KANTR: variants seen among roughly 807,000 people sequenced by gnomAD.
KANTR encodes KDM5C adjacent transcript.
intron 2 of KANTR, among the ~76,000 whole-genome samples, chrX:53,106,132 C>T (rs1182214636): frequency 9.1e-6 from 1 of 109,525 alleles, no homozygotes; most frequent in African/African-American, 3.4e-5. Context: ...GCTGGGATTA[C>T]AGGCGTGAGC....
chrX:53,135,147 G>C (rs183510743), intron 2 of KANTR, among the ~76,000 whole-genome samples: 1 of 111,861 alleles, frequency 8.9e-6, no homozygotes, highest in East Asian at 2.8e-4. Context: ...GGAGAAAGCA[G>C]GGGGCTGAAC....
At chrX:53,140,779 TG>T (rs1556818372) in intron 2 of KANTR, among the ~76,000 whole-genome samples, 2 of 111,746 alleles carry the variant, frequency 1.8e-5, no homozygotes. Context: ...GTTCCAGGGG[TG>T]AGAGTTATCA....
chrX:53,145,524 A>G (rs1285427753), downstream of KANTR, among the ~76,000 whole-genome samples: 1 of 112,142 alleles, frequency 8.9e-6, no homozygotes, highest in Non-Finnish European at 1.9e-5. Flanking sequence ...GGTGGAGCCC[A>G]CTGCAGCTCA....
intron 2 of KANTR, among the ~76,000 whole-genome samples, chrX:53,139,654 G>GA (rs1166861213): frequency 1.8e-5 from 2 of 111,281 alleles, no homozygotes; most frequent in Non-Finnish European, 3.8e-5. Context: ...CCTGTCTCTA[G>GA]AAAAAATAAT....
intron 2 of KANTR, among the ~76,000 whole-genome samples, chrX:53,140,887 C>T (rs1556818376): frequency 8.9e-6 from 1 of 111,908 alleles, no homozygotes; most frequent in African/African-American, 3.3e-5. Flanking sequence ...GAAGGCCAGG[C>T]GTGGTGGCTC....
At chrX:53,094,782 T>G (rs1364854762) in intron 1 of KANTR, 3 of 112,142 alleles carry the variant, frequency 2.7e-5, no homozygotes, top group Non-Finnish European at 5.6e-5. Flanking sequence ...CCTGAGACAA[T>G]GCATGTGCAT....
chrX:53,140,432 C>G (rs958214971), intron 2 of KANTR, among the ~76,000 whole-genome samples: 1 of 102,855 alleles, frequency 9.7e-6, no homozygotes, highest in Non-Finnish European at 2.0e-5. Context: ...ACCCAGGAGG[C>G]AGAGGTTGCA....
intron 2 of KANTR, among the ~76,000 whole-genome samples, chrX:53,138,722 A>T (rs1267787508): frequency 1.8e-5 from 2 of 110,073 alleles, no homozygotes; most frequent in Non-Finnish European, 3.8e-5. Context: ...AAAAAAAAGA[A>T]ATATAAACAA....
chrX:53,142,757 G>A (rs1242430631), downstream of KANTR: 27 of 446,212 alleles, frequency 6.1e-5, no homozygotes, highest in South Asian at 3.2e-4. Flanking sequence ...AGGCATTTGC[G>A]GTAGACAATG....
rs782037645 is a variant in KANTR, at chrX:53,138,054, C to G, written n.204-3794C>G. On this transcript the variant is annotated intron_variant and non_coding_transcript_variant, in intron 2 of 2. Transcript: ENST00000366185. The stretch of plus-strand genomic sequence containing the variant: ...TTTCTGCCTTATTTCTTTCTTGTTT[C>G]TTTGAATTTATTTTTATTTATTTAT... 1.2e-4 allele frequency among the ~76,000 whole-genome samples: 13 copies of G among 109,585 alleles called. No individual in the cohort carries two copies. In the South Asian group the frequency reaches 5.1e-3, roughly 43 times the overall value.
At position 53,123,178 on chromosome X, in the gene KANTR, C is replaced by CTT. The variant is rs200574097; in HGVS notation, c.-804-278_-804-277dup. Among the ~76,000 whole-genome samples, 18 of 99,236 alleles carry CTT rather than the reference C, an allele frequency of 1.8e-4. No homozygotes were observed. The South Asian group carries it at 2.7e-3, about 15-fold the overall frequency. The allele number at this position is 99,236 out of a possible 115,157, so 86.2% of individuals were successfully genotyped here. The stretch of plus-strand genomic sequence containing the variant: ...GGCTACACACAAATCCTGAGCAAGA[C>CTT]TTTTTTTTTTTTTTCTGAGCAAGAC... On this transcript the variant is annotated intron_variant, in intron 2 of 2. Transcript: ENST00000604062.
At chrX:53,105,883 A>T (rs1932945840) in intron 2 of KANTR, among the ~76,000 whole-genome samples, 1 of 80,219 alleles carries the variant, frequency 1.2e-5, no homozygotes, top group African/African-American at 5.1e-5. Context: ...TTTGAGACAG[A>T]GTCTCGCTCT....
chrX:53,145,184 G>A (rs142936901), downstream of KANTR, among the ~76,000 whole-genome samples: 212 of 111,447 alleles, frequency 1.9e-3, 1 homozygote, highest in Non-Finnish European at 2.9e-3. Flanking sequence ...TGCACTGAGC[G>A]TGAGCCAAAG....
At chrX:53,115,747 G>T (rs1178741704) in intron 2 of KANTR, among the ~76,000 whole-genome samples, 1 of 112,817 alleles carries the variant, frequency 8.9e-6, no homozygotes, top group Non-Finnish European at 1.9e-5. Flanking sequence ...GCCTGGGGTT[G>T]GGGGAGGGGT....
At chrX:53,117,345 A>T (rs1933140402) in intron 2 of KANTR, among the ~76,000 whole-genome samples, 1 of 110,797 alleles carries the variant, frequency 9.0e-6, no homozygotes. Flanking sequence ...AATAATATGA[A>T]AACCCAAGAA....
At chrX:53,111,511 C>T (rs1376922145) in intron 2 of KANTR, among the ~76,000 whole-genome samples, 1 of 108,096 alleles carries the variant, frequency 9.3e-6, no homozygotes, top group Non-Finnish European at 1.9e-5. Flanking sequence ...TACCTCTTAA[C>T]CTTTATACTA....
rs782646876 is a variant in KANTR at position 53,133,113 on chromosome X, A to G, written n.204-8735A>G. Among the ~76,000 whole-genome samples the G allele has an allele frequency of 1.1e-4, 12 of 110,597 alleles. No individual in the cohort carries two copies. In the East Asian group the frequency reaches 3.1e-3, roughly 29 times the overall value. ...CCAGTCACGGTGGCTCACACCTGTAATCCCAGCACTTCGAAAGGCCGAGGC... is the reference window on the plus strand; with the variant it reads ...CCAGTCACGGTGGCTCACACCTGTAGTCCCAGCACTTCGAAAGGCCGAGGC... On this transcript the variant is annotated intron_variant and non_coding_transcript_variant, in intron 2 of 2. Coordinates refer to the KANTR transcript ENST00000366185.
chrX:53,128,815 A>G (rs1028845718), downstream of KANTR, among the ~76,000 whole-genome samples: 2 of 110,111 alleles, frequency 1.8e-5, no homozygotes, highest in African/African-American at 6.6e-5. Context: ...AAAGCTTACC[A>G]TACATATTTA....
At chrX:53,110,855 G>A (rs1189418621) in intron 2 of KANTR, among the ~76,000 whole-genome samples, 8 of 107,921 alleles carry the variant, frequency 7.4e-5, no homozygotes, top group Non-Finnish European at 1.5e-4. Flanking sequence ...TCCAGGAGGC[G>A]GAGATTGCAA....
Sources: gnomAD v4.1 joint callset for allele counts (sites outside exome capture counted in the v4.1 genomes callset) on GRCh38, gnomAD v4.1.1 for gene constraint, MANE v1.5 for transcripts, NCBI Gene and HGNC (gene_info 2026-07-23, HGNC 2026-07-21) for gene names.